Variants in SLC9B1 observed in about 807,000 individuals in gnomAD.
The protein encoded by SLC9B1 is solute carrier family 9 member B1.
Under a neutral mutation model 51.7 loss-of-function variants are expected in SLC9B1, and 32 were observed. The observed-to-expected ratio is 0.62, with a 90% confidence interval of 0.47 to 0.83. SLC9B1 has a LOEUF of 0.83. Among genes scored for constraint, SLC9B1 ranks in the 40% least tolerant of loss-of-function variants. SLC9B1 has a pLI of 0.00. For missense variants in SLC9B1, 406 were observed against 613.2 expected (o/e 0.66, Z 3.57); for synonymous variants, 145 against 212.7 (o/e 0.68, Z 2.77).
rs140681931 is a variant in SLC9B1 at position 102,960,408 on chromosome 4, T to C, written c.212-10981A>G. 1.6e-4 allele frequency among the ~76,000 whole-genome samples: 24 copies of C among 152,192 alleles called. No homozygotes were observed. The East Asian group carries it at 2.1e-3, about 13-fold the overall frequency. On this transcript the variant is annotated intron_variant, in intron 3 of 11. Transcript: ENST00000296422. ...ATCTCACAAAAGGAAGCAGAATTTATTAATATAAATAACATAGTATTGCTG... is the reference window on the plus strand; with the variant it reads ...ATCTCACAAAAGGAAGCAGAATTTACTAATATAAATAACATAGTATTGCTG...
rs1179286757 is a variant in SLC9B1, at chr4:102,885,239, C to T, written c.1422G>A (p.Arg474=). The T allele has an allele frequency of 1.9e-6, 3 of 1,613,952 alleles. No homozygotes were observed. In the Admixed American group the frequency reaches 5.0e-5, roughly 27 times the overall value. The change falls in exon 12 of 12, where the codon AGG becomes AGA. Residue 474 remains arginine, a synonymous_variant. Coordinates refer to the SLC9B1 transcript ENST00000394789. ...AGTTTCAGAATGGCTTCGGTTATTG[C>T]CTTTCCTTGGTGTACTCGCACTTCT... is the stretch of plus-strand genomic sequence containing the variant.
chr4:102,996,499 T>C (rs1412981909), intron 1 of SLC9B1, among the ~76,000 whole-genome samples: 1 of 152,196 alleles, frequency 6.6e-6, no homozygotes, highest in African/African-American at 2.4e-5. Context: ...ACAAACATTA[T>C]TGTTTTGCTT....
intron 6 of SLC9B1, among the ~76,000 whole-genome samples, chr4:102,943,158 C>CA (rs1475762867): frequency 0.016 from 1,824 of 111,254 alleles, 36 homozygotes; most frequent in African/African-American, 0.052. Context: ...TAGCCATAAT[C>CA]AAAAAAATAA....
chr4:102,902,526 GAAAAAAC>G (rs1734837321), intron 11 of SLC9B1, among the ~76,000 whole-genome samples: 1 of 151,716 alleles, frequency 6.6e-6, no homozygotes, highest in East Asian at 1.9e-4. Context: ...ACTTCCAACA[GAAAAAAC>G]AAAAAACAAA....
At chr4:103,000,831 C>G (rs1000113193) in intron 1 of SLC9B1, among the ~76,000 whole-genome samples, 5 of 152,196 alleles carry the variant, frequency 3.3e-5, no homozygotes, top group African/African-American at 1.2e-4. Flanking sequence ...ATGGATCTAC[C>G]ATTCTGGTGT....
chr4:102,922,803 TA>T (rs1735950076), intron 7 of SLC9B1, among the ~76,000 whole-genome samples: 1 of 152,082 alleles, frequency 6.6e-6, no homozygotes, highest in African/African-American at 2.4e-5. Flanking sequence ...CTACAACATC[TA>T]GAAGAAATGG....
chr4:102,910,338 CT>C, intron 9 of SLC9B1, 100 bp downstream of exon 9: 1 of 1,076,676 alleles, frequency 9.3e-7, no homozygotes, highest in South Asian at 1.8e-5. Flanking sequence ...GACAGAAAAC[CT>C]TTTGGAACAT....
At chr4:102,993,963 G>T (rs1430307034) in intron 1 of SLC9B1, among the ~76,000 whole-genome samples, 1 of 152,184 alleles carries the variant, frequency 6.6e-6, no homozygotes, top group African/African-American at 2.4e-5. Context: ...GGGTGACCCT[G>T]GGCCTGGCCC....
intron 4 of SLC9B1, among the ~76,000 whole-genome samples, chr4:102,947,157 A>G (rs959403023): frequency 9.9e-5 from 15 of 152,208 alleles, no homozygotes; most frequent in African/African-American, 3.6e-4. Flanking sequence ...GTCTTGGTGA[A>G]TTAGTTTGGG....
chr4:102,980,311 CA>C (rs1218018168), intron 3 of SLC9B1, among the ~76,000 whole-genome samples: 2 of 152,106 alleles, frequency 1.3e-5, no homozygotes, highest in Non-Finnish European at 2.9e-5. Flanking sequence ...TTCACTGCAG[CA>C]CTATTCACAA....
intron 3 of SLC9B1, among the ~76,000 whole-genome samples, chr4:102,979,631 T>A (rs1226438793): frequency 1.3e-5 from 2 of 152,206 alleles, no homozygotes; most frequent in Non-Finnish European, 2.9e-5. Context: ...CCTCCACTAA[T>A]GGAACTATGT....
chr4:102,916,727 C>A (rs1472162601), intron 7 of SLC9B1, among the ~76,000 whole-genome samples: 4 of 152,126 alleles, frequency 2.6e-5, no homozygotes, highest in African/African-American at 7.2e-5. Flanking sequence ...GAACTCATAC[C>A]AAGTATCTTT....
At chr4:102,972,377 C>T (rs759985513) in intron 3 of SLC9B1, among the ~76,000 whole-genome samples, 2 of 152,138 alleles carry the variant, frequency 1.3e-5, no homozygotes, top group East Asian at 1.9e-4. Flanking sequence ...CTTCAGCCTT[C>T]GAGTAGCTGA....
chr4:102,889,826 A>G (rs1460264585), intron 11 of SLC9B1: 1 of 152,202 alleles, frequency 6.6e-6, no homozygotes, highest in Non-Finnish European at 1.5e-5. Context: ...CCATCTTTAA[A>G]AAATAGACAT....
At chr4:102,923,086 C>G (rs562107906) in intron 7 of SLC9B1, among the ~76,000 whole-genome samples, 2 of 152,102 alleles carry the variant, frequency 1.3e-5, no homozygotes, top group Non-Finnish European at 2.9e-5. Context: ...GATACCAAAG[C>G]CTGGCAGGGA....
intron 3 of SLC9B1, among the ~76,000 whole-genome samples, chr4:102,969,980 G>A (rs1157278735): frequency 2.0e-5 from 3 of 152,110 alleles, no homozygotes; most frequent in African/African-American, 7.2e-5. Context: ...AAGAAATACG[G>A]GACTATGTGA....
chr4:102,933,348 T>C (rs1736558312), intron 6 of SLC9B1, among the ~76,000 whole-genome samples: 4 of 152,320 alleles, frequency 2.6e-5, no homozygotes, highest in South Asian at 4.1e-4. Flanking sequence ...TATGGTGCAG[T>C]TTATGCTACA....
chr4:102,959,657 A>G (rs1737992545), intron 3 of SLC9B1, among the ~76,000 whole-genome samples: 1 of 152,184 alleles, frequency 6.6e-6, no homozygotes, highest in African/African-American at 2.4e-5. Context: ...GCACTTGTCT[A>G]GTGAGCGGAT....
intron 7 of SLC9B1, among the ~76,000 whole-genome samples, chr4:102,922,079 A>G (rs1461339938): frequency 6.6e-6 from 1 of 152,152 alleles, no homozygotes; most frequent in Non-Finnish European, 1.5e-5. Flanking sequence ...TATCTACAGA[A>G]CTCTCCACCC....
Sources: allele counts gnomAD v4.1 joint callset (sites outside exome capture counted in the v4.1 genomes callset), GRCh38; gene constraint gnomAD v4.1.1; transcripts MANE v1.5; gene names NCBI Gene and HGNC (gene_info 2026-07-23, HGNC 2026-07-21).